Variants in STK36 observed in about 807,000 individuals in gnomAD.
STK36 encodes serine/threonine kinase 36.
In STK36, 116 loss-of-function variants were observed where a neutral mutation model predicts 142.2. The ratio of observed to expected loss-of-function variants is 0.82; its 90% CI spans 0.70 to 0.95. The LOEUF is 0.95. Ranked by LOEUF, STK36 falls within the 40% of genes least tolerant of loss-of-function variation. The pLI, the probability that STK36 is intolerant of heterozygous loss-of-function variation, is 0.00. For missense variants in STK36, 1,422 were observed against 1,617.2 expected (o/e 0.88, Z 2.07); for synonymous variants, 619 against 641.7 (o/e 0.96, Z 0.53).
In STK36 at chr2:218,679,684, C is replaced by T; in HGVS notation, c.903C>T (p.Ile301=). 1.9e-6 allele frequency: 3 copies of T among 1,614,224 alleles called. No homozygotes were observed. Among genetic ancestry groups the T allele is most frequent in the Non-Finnish European group, 2.5e-6 (3 of 1,180,056 alleles). The stretch of plus-strand genomic sequence containing the variant: ...CCCCCAAGGGTAATCAGTCTCGCAT[C>T]TTGACTCAGGCCTATAAACGCATGG... ...RLAPKGNQSR[I]LTQAYKRMAE... Residue 301 remains isoleucine, a synonymous_variant, in exon 8 of 27, where the codon ATC becomes ATT. Transcript: ENST00000295709.
chr2:218,694,727 C>A lies in STK36; in HGVS notation c.2511+92C>A. On this transcript the variant is annotated intron_variant, in intron 21 of 26. Transcript: ENST00000295709. The surrounding 1 kb of genome is among the most constrained non-coding windows in gnomAD (Gnocchi z 4.4). Reference sequence around the variant, plus strand: ...GGAAAAGACTGAAATGCCAGCAAGCCTGGAGTAAACTGAGGAATGGAAAAG... The same window carrying A: ...GGAAAAGACTGAAATGCCAGCAAGCATGGAGTAAACTGAGGAATGGAAAAG... The A allele has an allele frequency of 9.4e-7, 1 of 1,069,212 alleles. No individual in the cohort carries two copies. Among genetic ancestry groups the A allele is most frequent in the Non-Finnish European group, 1.4e-6 (1 of 713,764 alleles). 66.2% of individuals were successfully genotyped at this position (1,069,212 alleles called of 1,614,324 possible).
At chr2:218,689,767 A>G in intron 12 of STK36, 92 bp from the exon 13 acceptor site, 1 of 1,136,578 alleles carries the variant, frequency 8.8e-7, no homozygotes, top group Admixed American at 2.2e-5. Flanking sequence ...GATCAACTTG[A>G]CTGGGTCTCT....
intron 25 of STK36, 136 bp from the exon 26 acceptor site, chr2:218,698,466 G>T: frequency 2.9e-6 from 3 of 1,047,634 alleles, no homozygotes; most frequent in South Asian, 1.6e-5. Flanking sequence ...CATGTGGAGT[G>T]CTGTGGGGCA....
chr2:218,692,370 A>G (rs1432854600), intron 15 of STK36, 77 bp downstream of exon 15: 2 of 1,576,800 alleles, frequency 1.3e-6, no homozygotes, highest in East Asian at 4.5e-5. Context: ...TATTGCCATC[A>G]CCTAGATCGC....
At chr2:218,696,425 C>A in intron 21 of STK36, 102 bp from the exon 22 acceptor site, 1 of 1,001,848 alleles carries the variant, frequency 1.0e-6, no homozygotes. Context: ...CCGGTTGACT[C>A]TCAAATCTGT....
chr2:218,685,031 A>C (rs958925607), intron 10 of STK36, 54 bp from the exon 11 acceptor site: 11 of 1,603,324 alleles, frequency 6.9e-6, no homozygotes, highest in Non-Finnish European at 8.5e-6. Flanking sequence ...GTTGGGATCT[A>C]CTACCTTAGA....
Position 218,672,724 on chromosome 2 carries a change from TC to T in STK36, c.-89-14del, listed in dbSNP as rs1940042106. 2 of 1,103,384 alleles carry T rather than the reference TC, an allele frequency of 1.8e-6. No homozygotes were observed. Among genetic ancestry groups the T allele is most frequent in the Non-Finnish European group, 2.7e-6 (2 of 741,862 alleles). The allele number at this position is 1,103,384 out of a possible 1,614,324, so 68.3% of individuals were successfully genotyped here. A position where few individuals can be genotyped will look rare whatever the true frequency, so the allele number is the denominator to read the frequency against. On this transcript the variant is annotated splice_polypyrimidine_tract_variant and intron_variant, in intron 1 of 26. Transcript: ENST00000295709. ...GGCAAGGTGGCTAACATTTTTCCTT[TC>T]CCGTGCCCCAACTAGGCGTCCCAGA...
At chr2:218,689,005 G>GTCT in intron 12 of STK36, 129 bp downstream of exon 12, 1 of 990,870 alleles carries the variant, frequency 1.0e-6, no homozygotes, top group Non-Finnish European at 1.4e-6. Flanking sequence ...CTAGTTAGTA[G>GTCT]ACTATTAATT....
At chr2:218,698,537 T>C (rs538942155) in intron 25 of STK36, 65 bp from the exon 26 acceptor site, 2 of 1,539,586 alleles carry the variant, frequency 1.3e-6, no homozygotes, top group East Asian at 4.5e-5. Context: ...TCCCAGGTTT[T>C]GGGCTTCTTT....
At chr2:218,693,665 A>G in intron 17 of STK36, 58 bp from the exon 18 acceptor site, 2 of 1,520,826 alleles carry the variant, frequency 1.3e-6, no homozygotes, top group Non-Finnish European at 9.0e-7. Flanking sequence ...CTGAGCCTTC[A>G]ATCTTGGAGC....
In STK36 at chr2:218,675,326, A is replaced by G. The variant is rs759178743; in HGVS notation, c.304-17A>G. 1.9e-6 allele frequency: 3 copies of G among 1,590,042 alleles called. No homozygotes were observed. The highest frequency in any genetic ancestry group is 2.6e-6 in the Non-Finnish European group (3 of 1,168,090). The stretch of plus-strand genomic sequence containing the variant: ...TTCTAACCTTTTTTTTCTTTCTTCC[A>G]CCTCTTTAATTTCTAGGTTCAGGCC... On this transcript the variant is annotated splice_polypyrimidine_tract_variant and intron_variant, in intron 4 of 26. Transcript: ENST00000295709.
At chr2:218,683,181 C>G (rs912768051) in intron 10 of STK36, among the ~76,000 whole-genome samples, 6 of 152,130 alleles carry the variant, frequency 3.9e-5, no homozygotes, top group Non-Finnish European at 8.8e-5. Context: ...GCAATCATGG[C>G]TCACTGCAGC....
At position 218,680,071 on chromosome 2, in the gene STK36, C is replaced by T. The variant is rs1369541398; in HGVS notation, c.1127C>T (p.Ser376Phe). The T allele has an allele frequency of 3.1e-6, 5 of 1,614,014 alleles. No individual in the cohort carries two copies. The highest frequency in any genetic ancestry group is 1.1e-5 in the South Asian group (1 of 91,066). ...WAKSGTGEVP[S>F]APRENRTTPD... ...AAATCAGGGACTGGAGAGGTGCCCT[C>T]TGCACCTCGGTGAGAAGGGTATAGT... Residue 376 changes from serine (S) to phenylalanine (F), a missense_variant, in exon 9 of 27, where the codon TCT (serine) becomes TTT (phenylalanine). Ser to Phe is a radical substitution (Grantham distance 155). This residue lies in a region of STK36 where 962 missense variants were observed against 1,167.5 expected (regional missense o/e 0.82). Coordinates refer to ENST00000295709, the MANE Select transcript of STK36 (RefSeq NM_015690.5).
chr2:218,697,168 A>C lies in STK36; in HGVS notation c.2716A>C (p.Ser906Arg). ...ACAGGAAGGGGAGCTTTCGCTATCC[A>C]GTCCACCAAGCCCTGAGCCAGACTG... ...SAQEGELSLS[S>R]PPSPEPDWTL... Residue 906 changes from serine to arginine, a missense_variant, in exon 23 of 27, where the codon AGT becomes CGT. This residue lies in a region of STK36 where 962 missense variants were observed against 1,167.5 expected (regional missense o/e 0.82). Transcript: ENST00000295709. 6.2e-7 allele frequency: 1 copy of C among 1,614,134 alleles called. No homozygotes were observed. Among genetic ancestry groups the C allele is most frequent in the Non-Finnish European group, 8.5e-7 (1 of 1,180,018 alleles).
chr2:218,698,824 C>A lies in STK36; in HGVS notation c.3280C>A (p.Pro1094Thr). 6.2e-7 allele frequency: 1 copy of A among 1,614,238 alleles called. No individual in the cohort carries two copies. The highest frequency in any genetic ancestry group is 1.1e-5 in the South Asian group (1 of 91,088). ...GGCCCATACTGCCAGGGTCCTGTCT[C>A]CCAGCCACTTGTCCTTTATCCAAGA... Reference protein sequence around the residue: ...LLAHTARVLSPSHLSFIQELL... With the variant: ...LLAHTARVLSTSHLSFIQELL... The change falls in exon 26 of 27, where the codon CCC (proline) becomes ACC (threonine). Residue 1094 changes from proline to threonine, a missense_variant. Coordinates refer to ENST00000295709, the MANE Select transcript of STK36 (RefSeq NM_015690.5).
rs1198824780 is a variant in STK36 at position 218,679,410 on chromosome 2, C to T, written c.778+149C>T. 5 of 1,270,718 alleles carry T rather than the reference C, an allele frequency of 3.9e-6. No individual in the cohort carries two copies. In the African/African-American group the frequency reaches 4.5e-5, roughly 11 times the overall value. The allele number at this position is 1,270,718 out of a possible 1,614,324, so 78.7% of individuals were successfully genotyped here. On this transcript the variant is annotated intron_variant, in intron 7 of 26. Transcript: ENST00000295709. ...TCCTAGCCCTTCACTTAACCTTTGC[C>T]ACTTCCCTTACAACCCACTCTCTCT...
chr2:218,675,366 G>T lies in STK36; in HGVS notation c.327G>T (p.Leu109Phe), dbSNP rs756229032. Residue 109 changes from leucine (L) to phenylalanine (F), a missense_variant, in exon 5 of 27, where the codon TTG becomes TTT. Physicochemically the swap from Leu to Phe is conservative, Grantham distance 22. Coordinates refer to ENST00000295709, the MANE Select transcript of STK36 (RefSeq NM_015690.5). ...AGGTTCAGGCCATTGCTGCCCAGTT[G>T]GTGTCAGCCCTGTACTATCTGCATT... is the stretch of plus-strand genomic sequence containing the variant. ...EDQVQAIAAQ[L>F]VSALYYLHSH... The T allele has an allele frequency of 6.2e-7, 1 of 1,612,068 alleles. No individual in the cohort carries two copies. The highest frequency in any genetic ancestry group is 1.7e-5 in the Admixed American group (1 of 59,822).
chr2:218,679,125 G>A (rs1940385033), intron 6 of STK36, 43 bp from the exon 7 acceptor site: 3 of 1,582,746 alleles, frequency 1.9e-6, no homozygotes, highest in Non-Finnish European at 2.6e-6. Flanking sequence ...GAGACTTAAG[G>A]GAAGGGAAAG....
At chr2:218,675,896 T>C (rs937361135) in intron 5 of STK36, 133 bp from the exon 6 acceptor site, 49 of 1,149,734 alleles carry the variant, frequency 4.3e-5, no homozygotes, top group Non-Finnish European at 5.8e-5. Flanking sequence ...AGGCTGGGAC[T>C]GCTGCTGGGT....
Sources: allele counts gnomAD v4.1 joint callset (sites outside exome capture counted in the v4.1 genomes callset), GRCh38; gene constraint gnomAD v4.1.1; regional missense constraint gnomAD v4.1.1; non-coding constraint Gnocchi (gnomAD v3.1); transcripts MANE v1.5; gene names NCBI Gene and HGNC (gene_info 2026-07-23, HGNC 2026-07-21).